Variants in ARB2A observed in about 807,000 individuals in gnomAD.
ARB2A encodes cotranscriptional regulator ARB2A.
At chr5:93,992,043 G>T in the ARB2A span, among the ~76,000 whole-genome samples, 1 of 151,796 alleles carries the variant, frequency 6.6e-6, no homozygotes, top group African/African-American at 2.4e-5. Context: ...TACATAGAGG[G>T]TAACAAAGAT....
At chr5:93,805,180 C>T in the ARB2A span, 1 of 984,896 alleles carries the variant, frequency 1.0e-6, no homozygotes, top group Non-Finnish European at 1.2e-6. Context: ...ATATATGATG[C>T]TTTGTTAAAG....
the ARB2A span, among the ~76,000 whole-genome samples, chr5:94,109,371 C>G: frequency 6.6e-6 from 1 of 152,134 alleles, no homozygotes; most frequent in Non-Finnish European, 1.5e-5. Flanking sequence ...TGGCATAGTA[C>G]AGGGACATAC....
the ARB2A span, among the ~76,000 whole-genome samples, chr5:94,006,341 A>G: frequency 6.6e-6 from 1 of 152,240 alleles, no homozygotes; most frequent in Admixed American, 6.5e-5. Context: ...TTATAGAATT[A>G]GAGAAAAGAT....
the ARB2A span, among the ~76,000 whole-genome samples, chr5:94,075,333 G>C: frequency 6.6e-6 from 1 of 151,952 alleles, no homozygotes; most frequent in South Asian, 2.1e-4. Context: ...GATGTCATCA[G>C]TGTCTGGAAG....
chr5:93,739,947 C>T, the ARB2A span: 1 of 142,572 alleles, frequency 7.0e-6, no homozygotes, highest in African/African-American at 2.7e-5. Context: ...GGGAGAGGAA[C>T]TGAGACCCTG....
chr5:93,679,286 CA>C, the ARB2A span, among the ~76,000 whole-genome samples: 4,954 of 140,530 alleles, frequency 0.035, 239 homozygotes, highest in African/African-American at 0.12. Context: ...ATTTTTAAAG[CA>C]AAAAAAAAAA....
At chr5:93,819,172 C>T in the ARB2A span, among the ~76,000 whole-genome samples, 4 of 97,792 alleles carry the variant, frequency 4.1e-5, no homozygotes, top group Non-Finnish European at 7.4e-5. Context: ...GGCGACAGAG[C>T]GAAACTCCGT....
At chr5:93,665,062 A>G in the ARB2A span, among the ~76,000 whole-genome samples, 19 of 152,298 alleles carry the variant, frequency 1.2e-4, no homozygotes, top group East Asian at 3.5e-3. Context: ...CCTGGGCTCA[A>G]GTAACCTGCC....
the ARB2A span, among the ~76,000 whole-genome samples, chr5:93,750,921 T>C: frequency 6.6e-6 from 1 of 152,226 alleles, no homozygotes; most frequent in African/African-American, 2.4e-5. Flanking sequence ...GACAGAAGAC[T>C]AAATTTCCTT....
At chr5:94,053,766 CTTTTTCT>C in the ARB2A span, among the ~76,000 whole-genome samples, 2 of 152,028 alleles carry the variant, frequency 1.3e-5, no homozygotes, top group African/African-American at 4.8e-5. Flanking sequence ...AGGAGTTTTT[CTTTTTCT>C]TTTTTCTTTT....
chr5:93,907,921 A>G, the ARB2A span, among the ~76,000 whole-genome samples: 1 of 151,374 alleles, frequency 6.6e-6, no homozygotes, highest in South Asian at 2.1e-4. Flanking sequence ...TTCGAAAGAC[A>G]TAACAACATT....
chr5:93,993,056 A>G, the ARB2A span, among the ~76,000 whole-genome samples: 3 of 152,094 alleles, frequency 2.0e-5, no homozygotes, highest in Admixed American at 1.3e-4. Flanking sequence ...GAATTAATGA[A>G]CACATGCGAA....
the ARB2A span, among the ~76,000 whole-genome samples, chr5:94,059,357 T>A: frequency 1.1e-4 from 17 of 151,978 alleles, no homozygotes; most frequent in Non-Finnish European, 2.2e-4. Flanking sequence ...GCGTGGTTGC[T>A]CATACCTGTA....
the ARB2A span, among the ~76,000 whole-genome samples, chr5:93,827,810 C>T: frequency 4.6e-5 from 7 of 151,802 alleles, no homozygotes; most frequent in African/African-American, 1.7e-4. Flanking sequence ...CAGCTTTCTA[C>T]ATATGGCTAG....
chr5:94,072,653 C>T, the ARB2A span, among the ~76,000 whole-genome samples: 1 of 151,964 alleles, frequency 6.6e-6, no homozygotes, highest in African/African-American at 2.4e-5. Flanking sequence ...AGATACAGAA[C>T]ATATTTTCAG....
At chr5:93,632,592 C>T in the ARB2A span, among the ~76,000 whole-genome samples, 3 of 152,108 alleles carry the variant, frequency 2.0e-5, no homozygotes, top group Admixed American at 6.5e-5. Context: ...AACGGACTAG[C>T]ATTTTAAGAG....
the ARB2A span, among the ~76,000 whole-genome samples, chr5:93,996,764 T>C: frequency 5.9e-5 from 9 of 152,188 alleles, no homozygotes; most frequent in African/African-American, 2.2e-4. Context: ...TGTTGTTATA[T>C]TCTAGGAAAT....
the ARB2A span, among the ~76,000 whole-genome samples, chr5:93,966,190 T>C: frequency 1.3e-5 from 2 of 152,128 alleles, no homozygotes; most frequent in Admixed American, 6.6e-5. Context: ...GCAAAATGAG[T>C]GGTTTAACAT....
the ARB2A span, among the ~76,000 whole-genome samples, chr5:94,104,753 C>T: frequency 1.3e-5 from 2 of 151,900 alleles, no homozygotes; most frequent in African/African-American, 4.8e-5. Context: ...AAATCCTCAA[C>T]AAACACTAGC....
Sources: allele counts gnomAD v4.1 joint callset (sites outside exome capture counted in the v4.1 genomes callset), GRCh38; gene constraint gnomAD v4.1.1; transcripts MANE v1.5; gene names NCBI Gene and HGNC (gene_info 2026-07-23, HGNC 2026-07-21).